BIRC6: variants seen among roughly 807,000 people sequenced by gnomAD.
The protein encoded by BIRC6 is dual E2 ubiquitin-conjugating enzyme/E3 ubiquitin-protein ligase BIRC6.
BIRC6 carries 98 observed loss-of-function variants against 503.3 expected under a neutral mutation model. The ratio of observed to expected loss-of-function variants is 0.19; its 90% CI spans 0.17 to 0.23. The LOEUF is 0.23. Among genes scored for constraint, BIRC6 ranks in the 10% least tolerant of loss-of-function variants. BIRC6 has a pLI of 1.00. For missense variants in BIRC6, 5,360 were observed against 5,806.0 expected, an observed-to-expected ratio of 0.92 and a Z score of 2.50; for synonymous variants, 2,240 against 2,078.7, an observed-to-expected ratio of 1.08 and a Z score of -2.11.
chr2:32,375,415 A>G (rs2036596798), intron 1 of BIRC6, among the ~76,000 whole-genome samples: 1 of 152,014 alleles, frequency 6.6e-6, no homozygotes. Flanking sequence ...AGTCCTAGCC[A>G]CTCAGGAGGA....
At chr2:32,399,235 G>A (rs961077102) in intron 6 of BIRC6, among the ~76,000 whole-genome samples, 2 of 152,040 alleles carry the variant, frequency 1.3e-5, no homozygotes, top group Admixed American at 6.6e-5. Context: ...ACAGGTGTGC[G>A]CCACAATGCC....
chr2:32,546,773 A>G (rs546751963), intron 63 of BIRC6, among the ~76,000 whole-genome samples: 16 of 152,162 alleles, frequency 1.1e-4, no homozygotes, highest in Admixed American at 3.3e-4. Context: ...AAAAATATGT[A>G]TAATACCTCT....
intron 50 of BIRC6, chr2:32,505,421 C>G: frequency 2.0e-6 from 1 of 510,182 alleles, no homozygotes; most frequent in Non-Finnish European, 3.5e-6. Context: ...GAAGTCTAAA[C>G]AAATATGTTC....
chr2:32,468,874 T>A, intron 29 of BIRC6, 91 bp downstream of exon 29: 1 of 1,029,034 alleles, frequency 9.7e-7, no homozygotes, highest in Middle Eastern at 2.8e-4. Context: ...TATTTTCTAT[T>A]GTAAATTTTG....
intron 5 of BIRC6, among the ~76,000 whole-genome samples, 186 bp downstream of exon 5, chr2:32,392,336 C>T (rs1355318282): frequency 6.6e-6 from 1 of 152,126 alleles, no homozygotes; most frequent in Non-Finnish European, 1.5e-5. Context: ...TCAACTGCAA[C>T]CTCCGCCTCT....
At chr2:32,362,879 A>G (rs2034339693) in intron 1 of BIRC6, among the ~76,000 whole-genome samples, 1 of 152,110 alleles carries the variant, frequency 6.6e-6, no homozygotes, top group African/African-American at 2.4e-5. Flanking sequence ...TGACTAAATT[A>G]TTTAATATTT....
intron 2 of BIRC6, chr2:32,379,427 C>A (rs2037310002): frequency 6.6e-6 from 1 of 152,210 alleles, no homozygotes; most frequent in Non-Finnish European, 1.5e-5. Context: ...TATTAACTCT[C>A]AAGTCAGTGT....
chr2:32,460,110 G>A (rs1572379741), intron 23 of BIRC6, among the ~76,000 whole-genome samples: 1 of 144,680 alleles, frequency 6.9e-6, no homozygotes, highest in South Asian at 2.2e-4. Flanking sequence ...AATGGTAATA[G>A]TAGTACTCAT....
chr2:32,396,358 A>G (rs2149648264), intron 6 of BIRC6, among the ~76,000 whole-genome samples: 1 of 152,342 alleles, frequency 6.6e-6, no homozygotes, highest in East Asian at 1.9e-4. Context: ...TGATAGAGCC[A>G]GGGTTTGGTT....
chr2:32,617,745 C>T lies in BIRC6; in HGVS notation c.14415C>T (p.Arg4805=), dbSNP rs150701841. Residue 4805 remains arginine, a synonymous_variant, in exon 74 of 74, where the codon CGC becomes CGT. Coordinates refer to ENST00000421745, the MANE Select transcript of BIRC6 (RefSeq NM_016252.4). ...AALKRHTAQL[R]EELLKLPCPE... is the part of the protein sequence containing the mutation. Reference sequence around the variant, plus strand: ...CATAGCGTCACACTGCTCAGCTCCGCGAAGAGTTGCTGAAACTTCCCTGCC... The same window carrying T: ...CATAGCGTCACACTGCTCAGCTCCGTGAAGAGTTGCTGAAACTTCCCTGCC... The T allele has an allele frequency of 2.4e-5, 38 of 1,613,830 alleles. No homozygotes were observed. The highest frequency in any genetic ancestry group is 1.1e-4 in the South Asian group (10 of 91,080).
At chr2:32,411,405 A>G (rs1416848810) in intron 9 of BIRC6, among the ~76,000 whole-genome samples, 1 of 147,758 alleles carries the variant, frequency 6.8e-6, no homozygotes, top group Non-Finnish European at 1.5e-5. Flanking sequence ...GCAATTATAT[A>G]TATATATATA....
At chr2:32,391,686 C>T (rs781611037) in intron 4 of BIRC6, among the ~76,000 whole-genome samples, 3 of 152,118 alleles carry the variant, frequency 2.0e-5, no homozygotes, top group Non-Finnish European at 2.9e-5. Context: ...TACTAAAAAT[C>T]TTTTGGACTT....
At chr2:32,378,052 T>G (rs983012146) in intron 2 of BIRC6, among the ~76,000 whole-genome samples, 6 of 152,174 alleles carry the variant, frequency 3.9e-5, no homozygotes, top group African/African-American at 1.4e-4. Context: ...GGATAGCTTG[T>G]TTCCAATAAT....
intron 65 of BIRC6, among the ~76,000 whole-genome samples, chr2:32,554,956 G>C (rs898983701): frequency 2.6e-5 from 4 of 151,766 alleles, no homozygotes; most frequent in Admixed American, 2.0e-4. Flanking sequence ...TAGGTCTCAG[G>C]GCTCTCCAAA....
rs903435688 is a variant in BIRC6 at position 32,482,626 on chromosome 2, C to G, written c.7696+44C>G. The G allele has an allele frequency of 1.0e-5, 16 of 1,599,248 alleles. No homozygotes were observed. In the Middle Eastern group the frequency reaches 5.0e-4, roughly 50 times the overall value. ...TTTAAGACATATGCTATTCTTAAAACAAGTCTGTCATTTATGTATACTTTG... is the reference window on the plus strand; with the variant it reads ...TTTAAGACATATGCTATTCTTAAAAGAAGTCTGTCATTTATGTATACTTTG... On this transcript the variant is annotated intron_variant, in intron 39 of 73. Coordinates refer to ENST00000421745, the MANE Select transcript of BIRC6 (RefSeq NM_016252.4).
intron 33 of BIRC6, among the ~76,000 whole-genome samples, chr2:32,475,245 A>G (rs1236962259): frequency 1.3e-5 from 2 of 151,944 alleles, no homozygotes; most frequent in Admixed American, 6.6e-5. Flanking sequence ...TGCTAACTCA[A>G]TTATTATTCA....
chr2:32,415,767 G>T lies in BIRC6; in HGVS notation c.2476G>T (p.Val826Leu), dbSNP rs761228935. 1.7e-5 allele frequency: 27 copies of T among 1,613,684 alleles called. No individual in the cohort carries two copies. The highest frequency in any genetic ancestry group is 2.3e-5 in the Non-Finnish European group (27 of 1,179,794). ...EQRNVSGGYL[V>L]LYKMNYATRI... ...GAGGAATGTTAGTGGTGGATATTTAGTGCTTTATAAAATGAATTATGCCAC... is the reference window on the plus strand; with the variant it reads ...GAGGAATGTTAGTGGTGGATATTTATTGCTTTATAAAATGAATTATGCCAC... Residue 826 changes from valine (V) to leucine (L), a missense_variant, in exon 10 of 74, where the codon GTG (valine) becomes TTG (leucine). By Grantham distance (32) the Val-to-Leu change is conservative. This residue lies in a region of BIRC6 where 700 missense variants were observed against 739.3 expected (regional missense o/e 0.95). Coordinates refer to ENST00000421745, the MANE Select transcript of BIRC6 (RefSeq NM_016252.4).
chr2:32,599,615 G>C, intron 69 of BIRC6, 124 bp from the exon 70 acceptor site: 1 of 938,428 alleles, frequency 1.1e-6, no homozygotes, highest in Non-Finnish European at 1.6e-6. Context: ...TCCAGCCTGG[G>C]CGACAGAGTG....
At chr2:32,389,253 C>G (rs1166896259) in intron 4 of BIRC6, among the ~76,000 whole-genome samples, 1 of 151,676 alleles carries the variant, frequency 6.6e-6, no homozygotes, top group Non-Finnish European at 1.5e-5. Context: ...ATTAAAATTA[C>G]TATAATTATT....
Sources: gnomAD v4.1 joint callset for allele counts (sites outside exome capture counted in the v4.1 genomes callset) on GRCh38, gnomAD v4.1.1 for gene constraint, gnomAD v4.1.1 regional missense constraint, MANE v1.5 for transcripts, NCBI Gene and HGNC (gene_info 2026-07-23, HGNC 2026-07-21) for gene names.